Variants in CAB39L observed in about 807,000 individuals in gnomAD.
The protein encoded by CAB39L is calcium-binding protein 39-like.
Under a neutral mutation model 39.1 loss-of-function variants are expected in CAB39L, and 23 were observed. The observed-to-expected ratio is 0.59, with a 90% CI of 0.42 to 0.83. CAB39L has a LOEUF of 0.83. CAB39L is among the 40% of genes least tolerant of loss of function. The pLI is 0.00. For missense variants in CAB39L, 366 were observed against 391.9 expected (o/e 0.93, Z 0.56); for synonymous variants, 126 against 137.2 (o/e 0.92, Z 0.57).
intron 5 of CAB39L, among the ~76,000 whole-genome samples, chr13:49,366,725 C>CA (rs1259324387): frequency 1.3e-5 from 2 of 148,352 alleles, no homozygotes; most frequent in Admixed American, 1.4e-4. Flanking sequence ...GTATGAAAAA[C>CA]AAACAATCTG....
intron 10 of CAB39L, 125 bp from the exon 11 acceptor site, chr13:49,311,118 G>A (rs2138314640): frequency 1.3e-6 from 1 of 756,712 alleles, no homozygotes; most frequent in Non-Finnish European, 2.2e-6. Context: ...TTATTAATGC[G>A]TAGAAGCCCC....
chr13:49,326,881 T>C (rs921268053), intron 10 of CAB39L, among the ~76,000 whole-genome samples: 5 of 152,220 alleles, frequency 3.3e-5, no homozygotes, highest in Admixed American at 1.3e-4. Flanking sequence ...AACAAAATTA[T>C]ATGAAGTTTA....
intron 10 of CAB39L, among the ~76,000 whole-genome samples, chr13:49,322,430 A>G (rs969944450): frequency 6.6e-6 from 1 of 152,222 alleles, no homozygotes; most frequent in Non-Finnish European, 1.5e-5. Flanking sequence ...GCGACTGCTC[A>G]TTACAGTTGC....
chr13:49,408,904 G>A (rs75541407), intron 3 of CAB39L, among the ~76,000 whole-genome samples: 5,877 of 152,010 alleles, frequency 0.039, 235 homozygotes, highest in African/African-American at 0.092. Context: ...GTATGTTATC[G>A]TGTGACCAAA....
chr13:49,422,225 G>C (rs1957181670), intron 3 of CAB39L, among the ~76,000 whole-genome samples: 3 of 152,032 alleles, frequency 2.0e-5, no homozygotes, highest in Admixed American at 1.3e-4. Context: ...TGTGATAAAG[G>C]AAAGAGTTAA....
chr13:49,385,801 G>T (rs572255382), intron 3 of CAB39L, among the ~76,000 whole-genome samples: 1 of 152,226 alleles, frequency 6.6e-6, no homozygotes, highest in African/African-American at 2.4e-5. Flanking sequence ...ACAGTCTGTG[G>T]TGTCCCAAAA....
chr13:49,372,143 T>C (rs956996482), intron 5 of CAB39L, among the ~76,000 whole-genome samples: 2 of 152,150 alleles, frequency 1.3e-5, no homozygotes, highest in Non-Finnish European at 2.9e-5. Flanking sequence ...GTGTCTTGAA[T>C]AGTAGCCAAA....
At chr13:49,380,331 A>G (rs1204175599) in intron 4 of CAB39L, among the ~76,000 whole-genome samples, 3 of 152,232 alleles carry the variant, frequency 2.0e-5, no homozygotes, top group Admixed American at 6.5e-5. Flanking sequence ...ATAAGATTGT[A>G]AATTGTCAAA....
chr13:49,380,500 G>A (rs991851301), intron 4 of CAB39L, among the ~76,000 whole-genome samples: 2 of 152,110 alleles, frequency 1.3e-5, no homozygotes, highest in Admixed American at 1.3e-4. Context: ...TAGGGCCTGG[G>A]GGAGAGGGAA....
intron 5 of CAB39L, 75 bp downstream of exon 5, chr13:49,376,892 T>TAGATAGATAGATAGATAGAC: frequency 1.1e-6 from 1 of 900,390 alleles, no homozygotes; most frequent in Non-Finnish European, 1.5e-6. Flanking sequence ...AGTTGAATAG[T>TAGATAGATAGATAGATAGAC]AGATAGATAG....
At chr13:49,431,716 TA>T (rs1957328705) in intron 3 of CAB39L, among the ~76,000 whole-genome samples, 1 of 150,384 alleles carries the variant, frequency 6.6e-6, no homozygotes, top group Non-Finnish European at 1.5e-5. Flanking sequence ...TAAAAAAAAA[TA>T]AAAAACAAAA....
intron 7 of CAB39L, among the ~76,000 whole-genome samples, chr13:49,345,134 T>C (rs1304531294): frequency 6.6e-6 from 1 of 152,120 alleles, no homozygotes; most frequent in Non-Finnish European, 1.5e-5. Flanking sequence ...CTATGAAAAA[T>C]TTAATTAAAA....
chr13:49,316,104 T>A (rs1954151102), intron 10 of CAB39L, among the ~76,000 whole-genome samples: 1 of 152,126 alleles, frequency 6.6e-6, no homozygotes, highest in Non-Finnish European at 1.5e-5. Context: ...ATAAAATTGA[T>A]AAACCTTTAG....
At chr13:49,332,846 TCAG>T (rs1339852578) in intron 9 of CAB39L, among the ~76,000 whole-genome samples, 1 of 151,792 alleles carries the variant, frequency 6.6e-6, no homozygotes, top group African/African-American at 2.4e-5. Context: ...TCCTAAAGCT[TCAG>T]CAGCCAGGGG....
rs759872856 is a variant in CAB39L, at chr13:49,350,925, C to T, written c.396-13G>A. On this transcript the variant is annotated splice_polypyrimidine_tract_variant and intron_variant, in intron 6 of 10. Transcript: ENST00000409308. ...TGGGGCTTCATATCTAAAGCGTAAA[C>T]AAGAGAGAAATAGAGAACTCTGTTA... The T allele has an allele frequency of 1.3e-6, 2 of 1,554,178 alleles. No individual in the cohort carries two copies. The highest frequency in any genetic ancestry group is 4.6e-5 in the East Asian group (2 of 43,814).
At chr13:49,412,710 T>C (rs1447177529) in intron 3 of CAB39L, among the ~76,000 whole-genome samples, 1 of 152,068 alleles carries the variant, frequency 6.6e-6, no homozygotes, top group South Asian at 2.1e-4. Context: ...GACCTGGAGG[T>C]TGGGATGCAG....
intron 5 of CAB39L, among the ~76,000 whole-genome samples, chr13:49,375,372 C>T (rs948127577): frequency 6.6e-6 from 1 of 151,796 alleles, no homozygotes; most frequent in Non-Finnish European, 1.5e-5. Context: ...GTTCATAATA[C>T]CTAATTTTAA....
chr13:49,367,954 C>T (rs1217307410), intron 5 of CAB39L, among the ~76,000 whole-genome samples: 2 of 150,618 alleles, frequency 1.3e-5, no homozygotes, highest in East Asian at 1.9e-4. Flanking sequence ...GGTTGAATTA[C>T]ATAAATTTTA....
In CAB39L at chr13:49,402,540, CG is replaced by C. The variant is rs1336898404; in HGVS notation, c.-31-19600del. On this transcript the variant is annotated intron_variant, in intron 3 of 10. Transcript: ENST00000409308. Reference sequence around the variant, plus strand: ...CAAAAGTCTTGGGCCCTTCTACTGACGGATCTTCCAAGTACAGAAGGAACAG... The same window carrying C: ...CAAAAGTCTTGGGCCCTTCTACTGACGATCTTCCAAGTACAGAAGGAACAG... 5.9e-5 allele frequency among the ~76,000 whole-genome samples: 9 copies of C among 152,238 alleles called. No individual in the cohort carries two copies. The East Asian group carries it at 1.7e-3, about 29-fold the overall frequency.
Sources: allele counts gnomAD v4.1 joint callset (sites outside exome capture counted in the v4.1 genomes callset), GRCh38; gene constraint gnomAD v4.1.1; transcripts MANE v1.5; gene names NCBI Gene and HGNC (gene_info 2026-07-23, HGNC 2026-07-21).